PCSK5: variants seen among roughly 807,000 people sequenced by gnomAD.
The protein encoded by PCSK5 is proprotein convertase subtilisin/kexin type 5.
A neutral mutation model predicts 233.2 loss-of-function variants in PCSK5; 129 were observed. The observed-to-expected ratio is 0.55, with a 90% CI of 0.48 to 0.64. PCSK5 has a LOEUF of 0.64. PCSK5 is among the 30% of genes least tolerant of loss of function. PCSK5 has a pLI of 0.00. For missense variants in PCSK5, 2,076 were observed against 2,430.1 expected, an observed-to-expected ratio of 0.85 and a Z score of 3.06; for synonymous variants, 825 against 879.2, an observed-to-expected ratio of 0.94 and a Z score of 1.09.
intron 16 of PCSK5, among the ~76,000 whole-genome samples, chr9:76,183,875 A>G (rs1473880343): frequency 6.6e-6 from 1 of 152,232 alleles, no homozygotes; most frequent in Admixed American, 6.5e-5. Context: ...AGGTACCAAG[A>G]CATTAGCAAA....
intron 32 of PCSK5, among the ~76,000 whole-genome samples, chr9:76,324,432 T>C (rs1829300890): frequency 6.6e-6 from 1 of 152,118 alleles, no homozygotes; most frequent in Admixed American, 6.5e-5. Flanking sequence ...GGTTTCACCA[T>C]GTTGGCCAGG....
chr9:76,349,620 C>T (rs1055760585), intron 35 of PCSK5, among the ~76,000 whole-genome samples: 1 of 152,132 alleles, frequency 6.6e-6, no homozygotes, highest in Non-Finnish European at 1.5e-5. Context: ...AATGACAGAT[C>T]CATCGTTCTA....
At chr9:76,121,626 C>G (rs889387574) in intron 9 of PCSK5, among the ~76,000 whole-genome samples, 8 of 152,184 alleles carry the variant, frequency 5.3e-5, no homozygotes, top group Non-Finnish European at 1.2e-4. Context: ...TGGCCTGTCT[C>G]TGCAAGTTTT....
intron 3 of PCSK5, among the ~76,000 whole-genome samples, chr9:76,012,339 T>C (rs1245433119): frequency 6.6e-6 from 1 of 152,200 alleles, no homozygotes; most frequent in East Asian, 1.9e-4. Flanking sequence ...AGTGTTCACA[T>C]GAATGAAAAA....
chr9:76,041,879 T>C (rs923865916), intron 5 of PCSK5, among the ~76,000 whole-genome samples: 1 of 151,886 alleles, frequency 6.6e-6, no homozygotes, highest in African/African-American at 2.4e-5. Context: ...ATGTGTTCAC[T>C]GTCTTTTTAG....
chr9:76,264,556 A>G (rs72740924), intron 24 of PCSK5, among the ~76,000 whole-genome samples: 7,190 of 152,252 alleles, frequency 0.047, 240 homozygotes, highest in Middle Eastern at 0.078. Flanking sequence ...TCTACAAAGA[A>G]CTTAATTCAA....
intron 2 of PCSK5, among the ~76,000 whole-genome samples, chr9:75,942,195 G>A (rs946269205): frequency 2.0e-5 from 3 of 152,218 alleles, no homozygotes; most frequent in African/African-American, 7.2e-5. Flanking sequence ...TGCGGAGCTG[G>A]CTCGGTGTTG....
intron 33 of PCSK5, among the ~76,000 whole-genome samples, chr9:76,328,479 C>T (rs1014749439): frequency 2.6e-5 from 4 of 152,146 alleles, no homozygotes; most frequent in Non-Finnish European, 5.9e-5. Context: ...ATCATTTGTT[C>T]GTGGGCTCTC....
intron 3 of PCSK5, among the ~76,000 whole-genome samples, chr9:75,997,728 A>G (rs1283174993): frequency 6.6e-6 from 1 of 152,226 alleles, no homozygotes; most frequent in African/African-American, 2.4e-5. Flanking sequence ...AAATGCATTC[A>G]CCACTTATTG....
chr9:76,210,984 C>T (rs1825309058), intron 20 of PCSK5, among the ~76,000 whole-genome samples: 1 of 152,102 alleles, frequency 6.6e-6, no homozygotes, highest in African/African-American at 2.4e-5. Flanking sequence ...AGATTGGAAG[C>T]ACAGGAGGGG....
At chr9:76,315,026 C>T (rs967463710) in intron 30 of PCSK5, among the ~76,000 whole-genome samples, 1 of 151,766 alleles carries the variant, frequency 6.6e-6, no homozygotes, top group African/African-American at 2.4e-5. Context: ...CATCTCAGCT[C>T]ACTGCAACCT....
chr9:75,927,694 C>A (rs1288454212), intron 1 of PCSK5, among the ~76,000 whole-genome samples: 1 of 152,044 alleles, frequency 6.6e-6, no homozygotes, highest in Non-Finnish European at 1.5e-5. Context: ...AGTGTTAACA[C>A]GTGGGTCTCA....
intron 10 of PCSK5, among the ~76,000 whole-genome samples, chr9:76,141,244 C>A (rs1823209414): frequency 6.6e-6 from 1 of 152,028 alleles, no homozygotes; most frequent in African/African-American, 2.4e-5. Context: ...TCAAGAGAGT[C>A]TTAGCAAAGT....
rs991700467 is a variant in PCSK5, at chr9:76,150,065, G to A, written c.1313-6980G>A. On this transcript the variant is annotated intron_variant, in intron 10 of 37. Transcript: ENST00000674117. Reference sequence around the variant, plus strand: ...ATATAAACATTATATTCCTATATGTGTATAATGAAGTACATAGTGCGTGGA... The same window carrying A: ...ATATAAACATTATATTCCTATATGTATATAATGAAGTACATAGTGCGTGGA... 5.9e-5 allele frequency among the ~76,000 whole-genome samples: 9 copies of A among 152,150 alleles called. No homozygotes were observed. The East Asian group carries it at 1.5e-3, about 26-fold the overall frequency.
chr9:76,093,591 A>C (rs1349943819), intron 7 of PCSK5, among the ~76,000 whole-genome samples: 2 of 152,026 alleles, frequency 1.3e-5, no homozygotes, highest in Non-Finnish European at 2.9e-5. Context: ...ATACACACAC[A>C]CACACACACG....
rs116666780 is a variant in PCSK5, at chr9:76,268,705, T to C, written c.3143-23528T>C. Reference sequence around the variant, plus strand: ...CAAAAAAATACAAAAACTAGCCAAATGTAGTGGTGCACACTTGTAGTCCTA... The same window carrying C: ...CAAAAAAATACAAAAACTAGCCAAACGTAGTGGTGCACACTTGTAGTCCTA... On this transcript the variant is annotated intron_variant, in intron 24 of 37. Transcript: ENST00000674117. 8.2e-3 allele frequency among the ~76,000 whole-genome samples: 1,252 copies of C among 152,030 alleles called. 23 individuals are homozygous for C. Among genetic ancestry groups the C allele is most frequent in the African/African-American group, 0.029 (1,192 of 41,458 alleles).
rs955826297 is a variant in PCSK5 at position 75,995,007 on chromosome 9, T to C, written c.411+8762T>C. On this transcript the variant is annotated intron_variant, in intron 3 of 37. Transcript: ENST00000674117. ...GCTTTCAGCCCATAGGCTTTATTTT[T>C]CTTCATAGAACATACCAAATTCCTT... Among the ~76,000 whole-genome samples the C allele has an allele frequency of 3.3e-5, 5 of 152,222 alleles. No individual in the cohort carries two copies. The South Asian group carries it at 1.0e-3, about 31-fold the overall frequency.
chr9:75,973,982 G>C (rs1825910271), intron 2 of PCSK5, among the ~76,000 whole-genome samples: 1 of 152,210 alleles, frequency 6.6e-6, no homozygotes, highest in Non-Finnish European at 1.5e-5. Flanking sequence ...CACACAGCAT[G>C]AAAGAAGGAA....
At chr9:76,303,973 A>T (rs1828698395) in intron 28 of PCSK5, among the ~76,000 whole-genome samples, 1 of 152,128 alleles carries the variant, frequency 6.6e-6, no homozygotes, top group South Asian at 2.1e-4. Context: ...GGAGTTCAAG[A>T]CCAGCCCGGG....
Sources: allele counts gnomAD v4.1 joint callset (sites outside exome capture counted in the v4.1 genomes callset), GRCh38; gene constraint gnomAD v4.1.1; transcripts MANE v1.5; gene names NCBI Gene and HGNC (gene_info 2026-07-23, HGNC 2026-07-21).